The following PARD3 variants were observed in gnomAD, a reference collection of about 807,000 sequenced individuals.
PARD3 encodes partitioning defective 3 homolog.
PARD3 carries 75 observed loss-of-function variants against 155.4 expected under a neutral mutation model. The observed-to-expected ratio is 0.48, with a 90% CI of 0.40 to 0.58. The LOEUF (loss-of-function observed/expected upper bound fraction) is 0.58, where lower values mean the gene tolerates loss of function less well. Ranked by LOEUF, PARD3 falls within the 20% of genes least tolerant of loss-of-function variation. The pLI is 0.00. For missense variants in PARD3, 1,642 were observed against 1,721.7 expected, an observed-to-expected ratio of 0.95 and a Z score of 0.82; for synonymous variants, 576 against 610.5, an observed-to-expected ratio of 0.94 and a Z score of 0.83.
chr10:34,553,760 C>T (rs1202364056), intron 2 of PARD3, among the ~76,000 whole-genome samples: 1 of 152,202 alleles, frequency 6.6e-6, no homozygotes, highest in African/African-American at 2.4e-5. Context: ...ATCAAATTAG[C>T]TCAACACATA....
Position 34,382,561 on chromosome 10 carries a change from G to T in PARD3, c.1378C>A (p.Leu460Ile). 1 of 1,613,096 alleles carries T rather than the reference G, an allele frequency of 6.2e-7. No homozygotes were observed. The highest frequency in any genetic ancestry group is 1.1e-5 in the South Asian group (1 of 90,940). ...GTACCTTTCTTAAGCTGGATATTAAGCCTCTTGCCTATTTTTTTGGTGTTA... is the reference window on the plus strand; with the variant it reads ...GTACCTTTCTTAAGCTGGATATTAATCCTCTTGCCTATTTTTTTGGTGTTA... Reference protein sequence around the residue: ...GYNTKKIGKRLNIQLKKGTEG... With the variant: ...GYNTKKIGKRINIQLKKGTEG... Residue 460 changes from leucine (L) to isoleucine (I), a missense_variant, in exon 9 of 25, where the codon CTT becomes ATT. By Grantham distance (5) the Leu-to-Ile change is conservative. Transcript: ENST00000374788.
chr10:34,169,035 A>C (rs1415545), intron 22 of PARD3, among the ~76,000 whole-genome samples: 36,158 of 152,166 alleles, frequency 0.24, 4,459 homozygotes, highest in Middle Eastern at 0.36. Context: ...TGCACATTAG[A>C]TTTTGGTGCT....
In PARD3 at chr10:34,382,998, T is replaced by A. The variant is rs1018104674; in HGVS notation, c.1017-76A>T. The A allele has an allele frequency of 8.9e-6, 13 of 1,464,870 alleles. No homozygotes were observed. In the East Asian group the frequency reaches 2.5e-4, roughly 28 times the overall value. 90.7% of individuals were successfully genotyped at this position (1,464,870 alleles called of 1,614,324 possible). A position where few individuals can be genotyped will look rare whatever the true frequency, so the allele number is the denominator to read the frequency against. On this transcript the variant is annotated intron_variant, in intron 8 of 24. Transcript: ENST00000374788. ...AAGATATTATGAGCTTAATTAAGTTTACTAATTAAGCAATAAGAACTGACA... is the reference window on the plus strand; with the variant it reads ...AAGATATTATGAGCTTAATTAAGTTAACTAATTAAGCAATAAGAACTGACA...
chr10:34,358,580 G>T (rs560214791), intron 14 of PARD3, among the ~76,000 whole-genome samples: 2 of 152,188 alleles, frequency 1.3e-5, no homozygotes, highest in East Asian at 3.9e-4. Flanking sequence ...GTAATCCCAG[G>T]ACTTTGGCAG....
chr10:34,602,454 A>T (rs2089874836), intron 2 of PARD3, among the ~76,000 whole-genome samples: 1 of 152,234 alleles, frequency 6.6e-6, no homozygotes, highest in Non-Finnish European at 1.5e-5. Context: ...GTGTAAAAAT[A>T]ATCCATGCTG....
chr10:34,287,904 T>C (rs1001311711), intron 20 of PARD3, among the ~76,000 whole-genome samples: 2 of 152,204 alleles, frequency 1.3e-5, no homozygotes, highest in Admixed American at 6.5e-5. Flanking sequence ...TATAACGCAC[T>C]TTCCTTTTTT....
chr10:34,585,821 CAT>C (rs2134303622), intron 2 of PARD3, among the ~76,000 whole-genome samples: 1 of 152,192 alleles, frequency 6.6e-6, no homozygotes, highest in South Asian at 2.1e-4. Context: ...CTTATATAAA[CAT>C]AAACTATCTC....
At chr10:34,730,737 T>G (rs1250822436) in intron 1 of PARD3, among the ~76,000 whole-genome samples, 1 of 152,184 alleles carries the variant, frequency 6.6e-6, no homozygotes, top group African/African-American at 2.4e-5. Context: ...CAGTGAGCTA[T>G]GACTGCAACA....
intron 5 of PARD3, among the ~76,000 whole-genome samples, chr10:34,444,669 C>G (rs10827372): frequency 0.28 from 43,197 of 151,978 alleles, 6,679 homozygotes; most frequent in East Asian, 0.43. Context: ...CTACAGACTT[C>G]TAATAAGACA....
chr10:34,496,228 A>AAG (rs2080276270), intron 3 of PARD3, among the ~76,000 whole-genome samples: 1 of 152,092 alleles, frequency 6.6e-6, no homozygotes, highest in Admixed American at 6.6e-5. Flanking sequence ...AGAAAAAAAA[A>AAG]AAAGAAACAA....
In PARD3 at chr10:34,364,988, T is replaced by TA. The variant is rs1476422720; in HGVS notation, c.1708-4730dup. The stretch of plus-strand genomic sequence containing the variant: ...CAAATACTGCTTTGCCATAGAACAC[T>TA]AAAAAATAAATAAAAATAATGATAT... On this transcript the variant is annotated intron_variant, in intron 12 of 24. Coordinates refer to ENST00000374788, the MANE Select transcript of PARD3 (RefSeq NM_001184785.2). Among the ~76,000 whole-genome samples the TA allele has an allele frequency of 2.6e-5, 4 of 152,204 alleles. No individual in the cohort carries two copies. In the East Asian group the frequency reaches 5.8e-4, roughly 22 times the overall value.
At chr10:34,731,042 G>T (rs2094807963) in intron 1 of PARD3, among the ~76,000 whole-genome samples, 1 of 152,058 alleles carries the variant, frequency 6.6e-6, no homozygotes, top group African/African-American at 2.4e-5. Context: ...TACGGGCAGG[G>T]TTTCCATATG....
chr10:34,248,363 T>C (rs1276158169), intron 22 of PARD3, among the ~76,000 whole-genome samples: 3 of 152,236 alleles, frequency 2.0e-5, no homozygotes, highest in African/African-American at 7.2e-5. Context: ...GTCCGTCTGT[T>C]ATCTCCCAAA....
In PARD3 at chr10:34,514,932, C is replaced by T. The variant is rs139677081; in HGVS notation, c.403+2047G>A. Among the ~76,000 whole-genome samples, 11 of 152,226 alleles carry T rather than the reference C, an allele frequency of 7.2e-5. No homozygotes were observed. In the East Asian group the frequency reaches 1.5e-3, roughly 21 times the overall value. On this transcript the variant is annotated intron_variant, in intron 3 of 24. Transcript: ENST00000374788. ...GCTACAAATTGCTTTAGAAAAGATA[C>T]AAGTACAACACTACAACGGTAACAC...
At chr10:34,528,582 T>C (rs986072713) in intron 2 of PARD3, among the ~76,000 whole-genome samples, 3 of 152,232 alleles carry the variant, frequency 2.0e-5, no homozygotes, top group Non-Finnish European at 2.9e-5. Flanking sequence ...CATTTGATTA[T>C]GACAAATTGC....
At chr10:34,634,953 T>TCA (rs1017664556) in intron 2 of PARD3, among the ~76,000 whole-genome samples, 2 of 152,088 alleles carry the variant, frequency 1.3e-5, no homozygotes, top group Non-Finnish European at 2.9e-5. Context: ...CAGGGCACAG[T>TCA]GGTGCTTCAT....
At chr10:34,323,723 C>T (rs985077518) in intron 19 of PARD3, among the ~76,000 whole-genome samples, 1 of 152,192 alleles carries the variant, frequency 6.6e-6, no homozygotes, top group Non-Finnish European at 1.5e-5. Flanking sequence ...AGGTAAAATG[C>T]TCCCACAGAT....
chr10:34,666,811 A>ATG (rs1460290742), intron 2 of PARD3, among the ~76,000 whole-genome samples: 2 of 107,226 alleles, frequency 1.9e-5, no homozygotes, highest in African/African-American at 4.1e-5. Context: ...ATATATATAT[A>ATG]TATATACACA....
intron 22 of PARD3, among the ~76,000 whole-genome samples, chr10:34,183,984 T>A (rs1170393636): frequency 6.6e-6 from 1 of 152,174 alleles, no homozygotes; most frequent in Admixed American, 6.5e-5. Context: ...GGCTGGCTAA[T>A]TTTTGTATTT....
Sources: allele counts gnomAD v4.1 joint callset (sites outside exome capture counted in the v4.1 genomes callset), GRCh38; gene constraint gnomAD v4.1.1; transcripts MANE v1.5; gene names NCBI Gene and HGNC (gene_info 2026-07-23, HGNC 2026-07-21).